EVC2: variants seen among roughly 807,000 people sequenced by gnomAD.
The protein encoded by EVC2 is EvC ciliary complex subunit 2.
Under a neutral mutation model 149.3 loss-of-function variants are expected in EVC2, and 148 were observed. That is an observed-to-expected ratio of 0.99 (90% confidence interval 0.87 to 1.14). EVC2 has a LOEUF of 1.14. EVC2 is among the 50% of genes most tolerant of loss of function. The pLI is 0.00. For missense variants in EVC2, 1,854 were observed against 1,627.3 expected, an observed-to-expected ratio of 1.14 and a Z score of -2.40; for synonymous variants, 776 against 649.9, an observed-to-expected ratio of 1.19 and a Z score of -2.95.
At chr4:5,620,069 C>A (rs367726659) in intron 14 of EVC2, among the ~76,000 whole-genome samples, 1 of 152,150 alleles carries the variant, frequency 6.6e-6, no homozygotes, top group African/African-American at 2.4e-5. Flanking sequence ...CCTTCAGAGA[C>A]CACGGGGGCC....
At chr4:5,678,070 C>T (rs937313636) in intron 7 of EVC2, among the ~76,000 whole-genome samples, 2 of 152,220 alleles carry the variant, frequency 1.3e-5, no homozygotes, top group Non-Finnish European at 2.9e-5. Context: ...CTGGCATCCT[C>T]TGAAAGCCCT....
At chr4:5,658,833 T>A (rs1414097746) in intron 9 of EVC2, among the ~76,000 whole-genome samples, 1 of 152,184 alleles carries the variant, frequency 6.6e-6, no homozygotes, top group East Asian at 1.9e-4. Context: ...GCGAGAGGTG[T>A]GTGGCAGTGG....
In EVC2 at chr4:5,625,103, C is replaced by T. The variant is rs73198163; in HGVS notation, c.2046+646G>A. The stretch of plus-strand genomic sequence containing the variant: ...AATCACAGATCTGATGTCTCTCTCA[C>T]CTCCGGAAGACCCTTCAACATTCCC... On this transcript the variant is annotated intron_variant, in intron 13 of 21. Coordinates refer to ENST00000344408, the MANE Select transcript of EVC2 (RefSeq NM_147127.5). This position sits in a 1 kb window ranked among gnomAD's most constrained non-coding sequence, Gnocchi z 4.0. Among the ~76,000 whole-genome samples, 5,218 of 152,106 alleles carry T rather than the reference C, an allele frequency of 0.034. 234 individuals are homozygous for T. The highest frequency in any genetic ancestry group is 0.11 in the African/African-American group (4,397 of 41,452).
intron 1 of EVC2, among the ~76,000 whole-genome samples, chr4:5,704,537 A>T (rs1051688738): frequency 2.6e-5 from 4 of 152,058 alleles, no homozygotes; most frequent in Admixed American, 2.6e-4. Flanking sequence ...CTGGAGATGG[A>T]AATTCGGGAG....
At position 5,569,539 on chromosome 4, in the gene EVC2, C is replaced by T. The variant is rs1722521797; in HGVS notation, c.3361-899G>A. ...AGGCATGGGGGCTCACATCTGTAATCCCAGCACTTTGGACAGCTGGAGAGG... is the reference window on the plus strand; with the variant it reads ...AGGCATGGGGGCTCACATCTGTAATTCCAGCACTTTGGACAGCTGGAGAGG... On this transcript the variant is annotated intron_variant, in intron 19 of 21. Transcript: ENST00000344408. This position sits in a 1 kb window ranked among gnomAD's most constrained non-coding sequence, Gnocchi z 4.8. Among the ~76,000 whole-genome samples, 1 of 152,022 alleles carries T rather than the reference C, an allele frequency of 6.6e-6. No individual in the cohort carries two copies. The highest frequency in any genetic ancestry group is 2.1e-4 in the South Asian group (1 of 4,798).
intron 1 of EVC2, among the ~76,000 whole-genome samples, chr4:5,702,280 T>C (rs1221510456): frequency 2.6e-5 from 4 of 152,206 alleles, no homozygotes; most frequent in African/African-American, 7.2e-5. Flanking sequence ...TGTACATCTC[T>C]ACAGCCCCAA....
intron 6 of EVC2, among the ~76,000 whole-genome samples, chr4:5,683,654 A>C (rs1236564406): frequency 6.6e-6 from 1 of 152,148 alleles, no homozygotes; most frequent in Non-Finnish European, 1.5e-5. Flanking sequence ...CAAACAAAGT[A>C]ACAGGCGGGA....
chr4:5,699,601 T>C (rs190506427), intron 1 of EVC2, among the ~76,000 whole-genome samples: 12 of 142,230 alleles, frequency 8.4e-5, no homozygotes, highest in Admixed American at 5.9e-4. Flanking sequence ...TGGAATATTA[T>C]GCAGCCTTGG....
In EVC2 at chr4:5,636,958, T is replaced by A. The variant is rs1397285626; in HGVS notation, c.1470+3556A>T. Among the ~76,000 whole-genome samples, 1 of 152,228 alleles carries A rather than the reference T, an allele frequency of 6.6e-6. No individual in the cohort carries two copies. Among genetic ancestry groups the A allele is most frequent in the Non-Finnish European group, 1.5e-5 (1 of 68,052 alleles). On this transcript the variant is annotated intron_variant, in intron 10 of 21. Coordinates refer to ENST00000344408, the MANE Select transcript of EVC2 (RefSeq NM_147127.5). The surrounding 1 kb of genome is among the most constrained non-coding windows in gnomAD (Gnocchi z 4.6). ...TCAGATACTATTTCTGGAAACAGAT[T>A]GGTTCAAATAAGGCGGCTGCTTGTC...
At chr4:5,594,405 C>T (rs1340504242) in intron 16 of EVC2, among the ~76,000 whole-genome samples, 3 of 152,284 alleles carry the variant, frequency 2.0e-5, no homozygotes, top group Non-Finnish European at 2.9e-5. Context: ...CAGCAGCATT[C>T]GCGGTTCATG....
chr4:5,557,370 C>T (rs568345982), intron 21 of EVC2, among the ~76,000 whole-genome samples: 21 of 152,132 alleles, frequency 1.4e-4, no homozygotes, highest in South Asian at 6.2e-4. Flanking sequence ...TATACACATA[C>T]GATAAAATCT....
chr4:5,565,588 G>A (rs1319147769), intron 20 of EVC2, among the ~76,000 whole-genome samples: 17 of 150,976 alleles, frequency 1.1e-4, no homozygotes, highest in Admixed American at 8.6e-4. Context: ...AGAAAGAATC[G>A]CTTGAACCCA....
chr4:5,665,845 C>A (rs1719245257), intron 7 of EVC2, among the ~76,000 whole-genome samples, 196 bp from the exon 8 acceptor site: 1 of 152,218 alleles, frequency 6.6e-6, no homozygotes, highest in South Asian at 2.1e-4. Flanking sequence ...TTCCTCAGTG[C>A]ATGACAAGCC....
chr4:5,708,230 T>G (rs1722340667), intron 1 of EVC2, 56 bp downstream of exon 1: 3 of 1,396,266 alleles, frequency 2.1e-6, no homozygotes, highest in Non-Finnish European at 2.8e-6. Context: ...ACCGCCGGTG[T>G]AGACAAAGTC....
intron 14 of EVC2, among the ~76,000 whole-genome samples, chr4:5,621,296 G>T (rs1456308320): frequency 3.9e-5 from 6 of 152,338 alleles, no homozygotes; most frequent in African/African-American, 1.4e-4. Flanking sequence ...CATCCAAGAT[G>T]AGCCCAGGCT....
chr4:5,661,907 C>T (rs1332990619), intron 9 of EVC2, among the ~76,000 whole-genome samples: 1 of 152,222 alleles, frequency 6.6e-6, no homozygotes. Context: ...ACTTCATGGG[C>T]TTGTTAAGAG....
At chr4:5,649,686 C>T (rs1302995988) in intron 9 of EVC2, among the ~76,000 whole-genome samples, 1 of 152,142 alleles carries the variant, frequency 6.6e-6, no homozygotes, top group Non-Finnish European at 1.5e-5. Flanking sequence ...TCACCACAGC[C>T]ATTTTTTACA....
intron 9 of EVC2, among the ~76,000 whole-genome samples, chr4:5,661,450 CAG>C (rs1176714390): frequency 6.6e-6 from 1 of 152,102 alleles, no homozygotes; most frequent in Non-Finnish European, 1.5e-5. Flanking sequence ...CAAAAATACA[CAG>C]AGATATGAGA....
At chr4:5,563,543 T>C (rs779152093) in intron 21 of EVC2, among the ~76,000 whole-genome samples, 3 of 152,148 alleles carry the variant, frequency 2.0e-5, no homozygotes, top group South Asian at 2.1e-4. Flanking sequence ...GGTTTCACCA[T>C]GTTGGCCAGG....
Sources: allele counts gnomAD v4.1 joint callset (sites outside exome capture counted in the v4.1 genomes callset), GRCh38; gene constraint gnomAD v4.1.1; non-coding constraint Gnocchi (gnomAD v3.1); transcripts MANE v1.5; gene names NCBI Gene and HGNC (gene_info 2026-07-23, HGNC 2026-07-21).